PCDHGA5: variants seen among roughly 807,000 people sequenced by gnomAD.
The protein encoded by PCDHGA5 is protocadherin gamma subfamily A, 5.
In PCDHGA5, 36 loss-of-function variants were observed where a neutral mutation model predicts 56.7. The ratio of observed to expected loss-of-function variants is 0.64; its 90% CI spans 0.49 to 0.84. PCDHGA5 has a LOEUF of 0.84. Among genes scored for constraint, PCDHGA5 ranks in the 40% least tolerant of loss-of-function variants. PCDHGA5 has a pLI of 0.00. For missense variants in PCDHGA5, 1,305 were observed against 1,201.5 expected (o/e 1.09, Z -1.27); for synonymous variants, 563 against 520.2 (o/e 1.08, Z -1.12).
chr5:141,437,938 A>G (rs1042890704), intron 1 of PCDHGA5, among the ~76,000 whole-genome samples: 4 of 152,132 alleles, frequency 2.6e-5, no homozygotes, highest in African/African-American at 9.7e-5. Flanking sequence ...GGGTTTCACC[A>G]TATTGGCCAG....
At chr5:141,506,898 T>C (rs2099857040) in intron 3 of PCDHGA5, among the ~76,000 whole-genome samples, 1 of 152,260 alleles carries the variant, frequency 6.6e-6, no homozygotes, top group East Asian at 1.9e-4. Context: ...AGAAGCACTG[T>C]CATCACACCT....
intron 1 of PCDHGA5, chr5:141,388,335 C>G: frequency 1.2e-6 from 2 of 1,613,810 alleles, no homozygotes; most frequent in Non-Finnish European, 1.7e-6. Context: ...GCCTGGCACA[C>G]GATTTATATT....
Position 141,491,589 on chromosome 5 carries a change from C to T in PCDHGA5, c.2422-3218C>T. 6.2e-7 allele frequency: 1 copy of T among 1,613,926 alleles called. No homozygotes were observed. The highest frequency in any genetic ancestry group is 8.5e-7 in the Non-Finnish European group (1 of 1,180,024). ...GGACGTGCTTTTCACCGGCCTCGGA[C>T]GGCAGTGACTTCACTTTTCTAAGAC... On this transcript the variant is annotated intron_variant, in intron 1 of 3. Transcript: ENST00000518069. This position sits in a 1 kb window ranked among gnomAD's most constrained non-coding sequence, Gnocchi z 6.9.
intron 1 of PCDHGA5, among the ~76,000 whole-genome samples, chr5:141,438,587 CATACATAT>C (rs1166583123): frequency 1.2e-4 from 9 of 73,430 alleles, no homozygotes; most frequent in Non-Finnish European, 1.6e-4. Flanking sequence ...TACATACATA[CATACATAT>C]ATATATATAT....
rs866649962 is a variant in PCDHGA5 at position 141,482,106 on chromosome 5, T to A, written c.2422-12701T>A. Reference sequence around the variant, plus strand: ...CTCCATCTCAAAAAAAAAAAAAAAATATCTAGAGATGGGAGAATCATATGG... The same window carrying A: ...CTCCATCTCAAAAAAAAAAAAAAAAAATCTAGAGATGGGAGAATCATATGG... On this transcript the variant is annotated intron_variant, in intron 1 of 3. Transcript: ENST00000518069. 2.5e-3 allele frequency among the ~76,000 whole-genome samples: 342 copies of A among 138,882 alleles called. 1 individual carries two copies. Among genetic ancestry groups the A allele is most frequent in the Middle Eastern group, 0.011 (3 of 272 alleles). 91.1% of individuals were successfully genotyped at this position (138,882 alleles called of 152,430 possible). A position where few individuals can be genotyped will look rare whatever the true frequency, so the allele number is the denominator to read the frequency against.
In PCDHGA5 at chr5:141,489,200, G is replaced by A. The variant is rs1483035320; in HGVS notation, c.2422-5607G>A. The A allele has an allele frequency of 2.8e-6, 4 of 1,412,792 alleles. No individual in the cohort carries two copies. The highest frequency in any genetic ancestry group is 3.9e-6 in the Non-Finnish European group (4 of 1,038,374). The allele number at this position is 1,412,792 out of a possible 1,614,324, so 87.5% of individuals were successfully genotyped here. A position where few individuals can be genotyped will look rare whatever the true frequency, so the allele number is the denominator to read the frequency against. On this transcript the variant is annotated intron_variant, in intron 1 of 3. Coordinates refer to ENST00000518069, the MANE Select transcript of PCDHGA5 (RefSeq NM_018918.3). This position sits in a 1 kb window ranked among gnomAD's most constrained non-coding sequence, Gnocchi z 4.5. ...AAGCCCTGGGTCTACCTTGGAGACAGGACAGCACAGACTTACTCTCCACAA... is the reference window on the plus strand; with the variant it reads ...AAGCCCTGGGTCTACCTTGGAGACAAGACAGCACAGACTTACTCTCCACAA...
rs187196267 is a variant in PCDHGA5 at position 141,366,198 on chromosome 5, C to A, written c.1868C>A (p.Thr623Lys). The A allele has an allele frequency of 1.2e-6, 2 of 1,613,774 alleles. No homozygotes were observed. The highest frequency in any genetic ancestry group is 2.7e-5 in the African/African-American group (2 of 74,960). ...GGACTCTTTGCGGTTGGGCTGCACACGGGCGAGGTGCGCACAGCGCGAGCC... is the reference window on the plus strand; with the variant it reads ...GGACTCTTTGCGGTTGGGCTGCACAAGGGCGAGGTGCGCACAGCGCGAGCC... ...EPGLFAVGLH[T>K]GEVRTARALL... Residue 623 changes from threonine to lysine, a missense_variant, in exon 1 of 4, where the codon ACG becomes AAG. Physicochemically the swap from Thr to Lys is moderately conservative, Grantham distance 78 (BLOSUM62 -1). Transcript: ENST00000518069.
At chr5:141,454,316 A>G (rs887472165) in intron 1 of PCDHGA5, among the ~76,000 whole-genome samples, 4 of 152,188 alleles carry the variant, frequency 2.6e-5, no homozygotes, top group Non-Finnish European at 4.4e-5. Context: ...AAGCATTGAA[A>G]CCTCCAAGAA....
At position 141,486,493 on chromosome 5, in the gene PCDHGA5, T is replaced by C. The variant is rs761905572; in HGVS notation, c.2422-8314T>C. The C allele has an allele frequency of 1.2e-6, 2 of 1,614,136 alleles. No homozygotes were observed. The highest frequency in any genetic ancestry group is 1.7e-6 in the Non-Finnish European group (2 of 1,179,960). Reference sequence around the variant, plus strand: ...ACCCTCCTCTCAGTACCCACAGAACTATTTTCCTCAATATTTCAGATGTGA... The same window carrying C: ...ACCCTCCTCTCAGTACCCACAGAACCATTTTCCTCAATATTTCAGATGTGA... On this transcript the variant is annotated intron_variant, in intron 1 of 3. Transcript: ENST00000518069. The surrounding 1 kb of genome is among the most constrained non-coding windows in gnomAD (Gnocchi z 5.0).
At chr5:141,441,279 C>T (rs3792898) in intron 1 of PCDHGA5, 17,193 of 152,116 alleles carry the variant, frequency 0.11, 1,155 homozygotes, top group African/African-American at 0.18. Context: ...CGGGAGAAAA[C>T]GAGGTCACAT....
In PCDHGA5 at chr5:141,402,356, T is replaced by C. The variant is rs183915738; in HGVS notation, c.2421+35605T>C. Among the ~76,000 whole-genome samples, 46 of 152,098 alleles carry C rather than the reference T, an allele frequency of 3.0e-4. 1 individual carries two copies. Among genetic ancestry groups the C allele is most frequent in the African/African-American group, 1.0e-3 (43 of 41,550 alleles). On this transcript the variant is annotated intron_variant, in intron 1 of 3. Coordinates refer to ENST00000518069, the MANE Select transcript of PCDHGA5 (RefSeq NM_018918.3). ...TATAGGTATAAAAATTAAAAATGAA[T>C]GTACTTCCAAACAAGATTGCACATA...
intron 3 of PCDHGA5, chr5:141,507,291 T>A (rs956764262): frequency 3.4e-5 from 5 of 147,704 alleles, no homozygotes; most frequent in African/African-American, 5.1e-5. Flanking sequence ...CAGTCTCAAA[T>A]GTTGCATGAG....
In PCDHGA5 at chr5:141,491,365, T is replaced by A. The variant is rs201011046; in HGVS notation, c.2422-3442T>A. ...CGTCAGTCTCTTATCCCTAGTCACC[T>A]TCACCTTTCTGTCAGCGAAGTGCCT... On this transcript the variant is annotated intron_variant, in intron 1 of 3. Transcript: ENST00000518069. This position sits in a 1 kb window ranked among gnomAD's most constrained non-coding sequence, Gnocchi z 6.9. 1.7e-5 allele frequency: 27 copies of A among 1,614,016 alleles called. No individual in the cohort carries two copies. The highest frequency in any genetic ancestry group is 2.0e-5 in the Non-Finnish European group (24 of 1,179,982).
Position 141,494,802 on chromosome 5 carries a change from C to T in PCDHGA5, c.2422-5C>T. 5 of 1,614,120 alleles carry T rather than the reference C, an allele frequency of 3.1e-6. No individual in the cohort carries two copies. The highest frequency in any genetic ancestry group is 4.2e-6 in the Non-Finnish European group (5 of 1,180,016). ...TCAGCCCCTTTCCCTCTGTTTTCTC[C>T]ACAGCAAGCCCCGCCCAACACGGAC... is the stretch of plus-strand genomic sequence containing the variant. On this transcript the variant is annotated splice_polypyrimidine_tract_variant and splice_region_variant and intron_variant, in intron 1 of 3. Transcript: ENST00000518069.
In PCDHGA5 at chr5:141,483,740, A is replaced by T. The variant is rs2099586227; in HGVS notation, c.2422-11067A>T. Among the ~76,000 whole-genome samples, 4 of 152,148 alleles carry T rather than the reference A, an allele frequency of 2.6e-5. No homozygotes were observed. The South Asian group carries it at 8.3e-4, about 32-fold the overall frequency. ...TGGTTCCCACCATAGTCAAAAGGATATTCCTGAGGATCGAGGCTTGGAAAA... is the reference window on the plus strand; with the variant it reads ...TGGTTCCCACCATAGTCAAAAGGATTTTCCTGAGGATCGAGGCTTGGAAAA... On this transcript the variant is annotated intron_variant, in intron 1 of 3. Transcript: ENST00000518069.
chr5:141,392,280 G>A (rs1299678398), intron 1 of PCDHGA5: 3 of 152,190 alleles, frequency 2.0e-5, no homozygotes, highest in African/African-American at 7.2e-5. Context: ...AAAGCTTAGA[G>A]CACAATGGGA....
chr5:141,474,837 C>T (rs1250443544), intron 1 of PCDHGA5, among the ~76,000 whole-genome samples: 2 of 152,214 alleles, frequency 1.3e-5, no homozygotes, highest in Admixed American at 6.5e-5. Flanking sequence ...CTGTGCCAGG[C>T]ACTTTACCTG....
At chr5:141,392,010 A>T (rs949188518) in intron 1 of PCDHGA5, 1 of 152,234 alleles carries the variant, frequency 6.6e-6, no homozygotes, top group African/African-American at 2.4e-5. Context: ...TGCAATGGTA[A>T]AAGCATTTAT....
chr5:141,483,435 A>G (rs2099581280), intron 1 of PCDHGA5, among the ~76,000 whole-genome samples: 1 of 152,180 alleles, frequency 6.6e-6, no homozygotes, highest in Admixed American at 6.5e-5. Context: ...GGAGCTGACT[A>G]CAATAAAATC....
Sources: gnomAD v4.1 joint callset for allele counts (sites outside exome capture counted in the v4.1 genomes callset) on GRCh38, gnomAD v4.1.1 for gene constraint, Gnocchi (gnomAD v3.1) non-coding constraint, MANE v1.5 for transcripts, NCBI Gene and HGNC (gene_info 2026-07-23, HGNC 2026-07-21) for gene names.